The following NFIA variants were observed in gnomAD, a reference collection of about 807,000 sequenced individuals.
NFIA encodes the protein nuclear factor 1 A-type.
Under a neutral mutation model 62.8 loss-of-function variants are expected in NFIA, and 8 were observed. The ratio of observed to expected loss-of-function variants is 0.13; its 90% CI spans 0.07 to 0.23. The LOEUF is 0.23. Among genes scored for constraint, NFIA ranks in the 10% least tolerant of loss-of-function variants. The probability of loss-of-function intolerance (pLI) is 1.00; values close to 1 mark genes in which losing one functional copy is unlikely to be tolerated. For synonymous variants in NFIA, 235 were observed against 238.1 expected (o/e 0.99, Z 0.12); for missense variants, 410 against 642.1 (o/e 0.64, Z 3.91).
intron 3 of NFIA, among the ~76,000 whole-genome samples, chr1:61,281,459 G>A (rs972856167): frequency 1.3e-5 from 2 of 152,114 alleles, no homozygotes; most frequent in African/African-American, 2.4e-5. Context: ...AGGGGATGGC[G>A]TCAGAAATAT....
intron 2 of NFIA, among the ~76,000 whole-genome samples, chr1:61,155,763 T>C (rs1187089191): frequency 6.6e-6 from 1 of 152,118 alleles, no homozygotes; most frequent in Non-Finnish European, 1.5e-5. Context: ...TAAAGTTTCA[T>C]TGCAAAAGTT....
At chr1:61,420,271 A>G (rs746329637) in intron 9 of NFIA, among the ~76,000 whole-genome samples, 9 of 152,166 alleles carry the variant, frequency 5.9e-5, no homozygotes, top group Non-Finnish European at 1.2e-4. Context: ...GTGCTGTTCA[A>G]ATTTTTAAGT....
chr1:61,210,358 C>A (rs1653171758), intron 2 of NFIA, among the ~76,000 whole-genome samples: 1 of 152,114 alleles, frequency 6.6e-6, no homozygotes, highest in African/African-American at 2.4e-5. Context: ...ATTAAAAAAA[C>A]ACAAAAACCA....
At chr1:61,401,632 C>T (rs778356205) in intron 7 of NFIA, among the ~76,000 whole-genome samples, 37 of 152,166 alleles carry the variant, frequency 2.4e-4, no homozygotes, top group Non-Finnish European at 4.9e-4. Flanking sequence ...CCATTGAGCA[C>T]CTGAGGCAGC....
chr1:61,163,371 T>C lies in NFIA; in HGVS notation c.559+74691T>C, dbSNP rs142498257. Among the ~76,000 whole-genome samples the C allele has an allele frequency of 9.1e-3, 1,388 of 152,336 alleles. 17 individuals carry two copies. The highest frequency in any genetic ancestry group is 0.061 in the Middle Eastern group (18 of 294). On this transcript the variant is annotated intron_variant, in intron 2 of 10. Coordinates refer to ENST00000403491, the MANE Select transcript of NFIA (RefSeq NM_001134673.4). Reference sequence around the variant, plus strand: ...CTGCTGCTTGTTAGCTGTGCCATTTTGGATCAGTTCTTTTCTTTGAGACTC... The same window carrying C: ...CTGCTGCTTGTTAGCTGTGCCATTTCGGATCAGTTCTTTTCTTTGAGACTC...
Position 61,460,326 on chromosome 1 carries a change from A to T in NFIA, c.*5006A>T, listed in dbSNP as rs1032416420. ...ATTGCTTTGATATATAGCAGGTAAC[A>T]TTGAAGCTATTCCATAGCACTTAAC... On this transcript the variant is annotated 3_prime_UTR_variant, in exon 11 of 11. Transcript: ENST00000403491. 6.6e-6 allele frequency: 1 copy of T among 152,272 alleles called. No individual in the cohort carries two copies. The highest frequency in any genetic ancestry group is 2.1e-4 in the South Asian group (1 of 4,836). The allele number at this position is 152,272 out of a possible 1,614,324, so 9.4% of individuals were successfully genotyped here.
intron 2 of NFIA, among the ~76,000 whole-genome samples, chr1:61,092,453 C>T (rs1646337469): frequency 6.6e-6 from 1 of 152,052 alleles, no homozygotes; most frequent in South Asian, 2.1e-4. Flanking sequence ...CCATTATTAC[C>T]TTTACTTAAT....
intron 10 of NFIA, among the ~76,000 whole-genome samples, chr1:61,450,988 G>T (rs922667290): frequency 1.3e-5 from 2 of 152,148 alleles, no homozygotes; most frequent in Admixed American, 1.3e-4. Flanking sequence ...TAACGCAGGG[G>T]TTGAGGCCAT....
At chr1:61,192,715 G>GA (rs577800486) in intron 2 of NFIA, among the ~76,000 whole-genome samples, 7 of 147,550 alleles carry the variant, frequency 4.7e-5, no homozygotes, top group Middle Eastern at 3.4e-3. Flanking sequence ...AAAAAAAAAA[G>GA]AAAAAAAAAG....
At chr1:61,371,148 C>T (rs1258841196) in intron 6 of NFIA, among the ~76,000 whole-genome samples, 1 of 152,066 alleles carries the variant, frequency 6.6e-6, no homozygotes, top group Non-Finnish European at 1.5e-5. Flanking sequence ...TGTGCAACAC[C>T]CCTCATGTCT....
chr1:61,155,976 A>G (rs1281226813), intron 2 of NFIA, among the ~76,000 whole-genome samples: 1 of 152,148 alleles, frequency 6.6e-6, no homozygotes, highest in African/African-American at 2.4e-5. Flanking sequence ...CGTCACTACT[A>G]AAAATGCAAA....
chr1:61,241,844 A>G (rs1655367934), intron 2 of NFIA, among the ~76,000 whole-genome samples: 1 of 152,102 alleles, frequency 6.6e-6, no homozygotes, highest in Non-Finnish European at 1.5e-5. Context: ...GTGAAAAACC[A>G]CTGTAAAATA....
intron 2 of NFIA, among the ~76,000 whole-genome samples, chr1:61,198,611 A>G (rs1652198790): frequency 6.6e-6 from 1 of 152,124 alleles, no homozygotes; most frequent in Non-Finnish European, 1.5e-5. Context: ...TTCACTCTCT[A>G]TCTGAATTGC....
At chr1:61,394,843 T>G (rs1665184313) in intron 7 of NFIA, among the ~76,000 whole-genome samples, 1 of 152,174 alleles carries the variant, frequency 6.6e-6, no homozygotes, top group African/African-American at 2.4e-5. Flanking sequence ...GAGCGGTGGC[T>G]CACACCTGTA....
intron 2 of NFIA, among the ~76,000 whole-genome samples, chr1:61,216,388 AG>A (rs1225569219): frequency 2.0e-5 from 3 of 152,192 alleles, no homozygotes; most frequent in Non-Finnish European, 4.4e-5. Flanking sequence ...AAGAATATTC[AG>A]GTGACTATAA....
At chr1:61,316,443 G>A (rs1033280952) in intron 3 of NFIA, among the ~76,000 whole-genome samples, 3 of 152,236 alleles carry the variant, frequency 2.0e-5, no homozygotes, top group African/African-American at 7.2e-5. Flanking sequence ...GGACCATATG[G>A]CTCTCCTTAA....
At chr1:61,260,089 G>A (rs1656662969) in intron 2 of NFIA, among the ~76,000 whole-genome samples, 1 of 152,208 alleles carries the variant, frequency 6.6e-6, no homozygotes, top group African/African-American at 2.4e-5. Flanking sequence ...ACTAGTGAAT[G>A]TGTTCACTCA....
Position 61,303,555 on chromosome 1 carries a change from T to C in NFIA, c.625+25970T>C, listed in dbSNP as rs1288370270. 2.6e-5 allele frequency among the ~76,000 whole-genome samples: 4 copies of C among 152,286 alleles called. No individual in the cohort carries two copies. In the East Asian group the frequency reaches 7.7e-4, roughly 29 times the overall value. ...GAGGGAGTGCGACACACAGATTTCCTTGGGGAAGACTAGTGTGGATGGAAT... is the reference window on the plus strand; with the variant it reads ...GAGGGAGTGCGACACACAGATTTCCCTGGGGAAGACTAGTGTGGATGGAAT... On this transcript the variant is annotated intron_variant, in intron 3 of 10. Coordinates refer to ENST00000403491, the MANE Select transcript of NFIA (RefSeq NM_001134673.4).
At chr1:61,197,909 A>C (rs1652148725) in intron 2 of NFIA, among the ~76,000 whole-genome samples, 1 of 152,054 alleles carries the variant, frequency 6.6e-6, no homozygotes, top group Non-Finnish European at 1.5e-5. Context: ...TGAACCCGAG[A>C]GGCGGAGGTT....
Sources: allele counts gnomAD v4.1 joint callset (sites outside exome capture counted in the v4.1 genomes callset), GRCh38; gene constraint gnomAD v4.1.1; transcripts MANE v1.5; gene names NCBI Gene and HGNC (gene_info 2026-07-23, HGNC 2026-07-21).